Variants in LRCH3 observed in about 807,000 individuals in gnomAD.
LRCH3 encodes the protein leucine rich repeats and calponin homology domain containing 3, also known as DISP complex protein LRCH3.
In LRCH3, 68 loss-of-function variants were observed where a neutral mutation model predicts 104.5. That is an observed-to-expected ratio of 0.65 (90% confidence interval 0.54 to 0.80). The LOEUF is 0.80. Among genes scored for constraint, LRCH3 ranks in the 30% least tolerant of loss-of-function variants. LRCH3 has a pLI of 0.00. For synonymous variants in LRCH3, 344 were observed against 361.3 expected (o/e 0.95, Z 0.54); for missense variants, 951 against 953.9 (o/e 1.00, Z 0.04).
intron 4 of LRCH3, among the ~76,000 whole-genome samples, chr3:197,824,984 G>A (rs1352059893): frequency 2.0e-5 from 3 of 152,220 alleles, no homozygotes; most frequent in Non-Finnish European, 4.4e-5. Context: ...CCAAGAACAC[G>A]TCATGGGAGA....
At chr3:197,834,983 A>C (rs1736526930) in intron 8 of LRCH3, among the ~76,000 whole-genome samples, 2 of 152,004 alleles carry the variant, frequency 1.3e-5, no homozygotes, top group Non-Finnish European at 2.9e-5. Flanking sequence ...GTCTCTACTA[A>C]AAATACAAAA....
At chr3:197,880,484 T>C (rs1442045933) in intron 20 of LRCH3, 9 of 1,512,386 alleles carry the variant, frequency 6.0e-6, no homozygotes, top group Non-Finnish European at 8.0e-6. Context: ...GTTTTTCTGT[T>C]TTCCTTTCCT....
At position 197,854,382 on chromosome 3, in the gene LRCH3, A is replaced by G. The variant is rs1157233458; in HGVS notation, c.1591-10A>G. ...TTCTGACATGGCTTCATTTTTCTCC[A>G]TCTCTCCAGTGCCCCTTCCCATCCA... On this transcript the variant is annotated splice_polypyrimidine_tract_variant and intron_variant, in intron 13 of 20. Transcript: ENST00000425562. The surrounding 1 kb of genome is among the most constrained non-coding windows in gnomAD (Gnocchi z 4.5). The G allele has an allele frequency of 4.3e-6, 7 of 1,613,600 alleles. No individual in the cohort carries two copies. The highest frequency in any genetic ancestry group is 4.5e-5 in the East Asian group (2 of 44,892).
intron 17 of LRCH3, among the ~76,000 whole-genome samples, chr3:197,869,176 C>T (rs1382572857): frequency 1.3e-5 from 2 of 151,394 alleles, no homozygotes; most frequent in African/African-American, 2.5e-5. Context: ...ACTGTACTTG[C>T]AGGAAGTAGA....
At position 197,883,553 on chromosome 3, in the gene LRCH3, T is replaced by C. The variant is rs1713967480; in HGVS notation, c.2221T>C (p.Leu741=). 1 of 1,535,956 alleles carries C rather than the reference T, an allele frequency of 6.5e-7. No homozygotes were observed. The highest frequency in any genetic ancestry group is 8.7e-7 in the Non-Finnish European group (1 of 1,146,864). The part of the protein sequence containing the change: ...KIGVPQEQLC[L]PLHILEEKGL... ...TTGTCCCTTTCAGGAGCAATTATGT[T>C]TGCCTCTCCACATTTTAGAAGAGAA... Residue 741 remains leucine, a synonymous_variant, in exon 21 of 21, where the codon TTG becomes CTG. Transcript: ENST00000425562. The surrounding 1 kb of genome is among the most constrained non-coding windows in gnomAD (Gnocchi z 4.2).
chr3:197,871,394 C>A lies in LRCH3; in HGVS notation c.2062C>A (p.Leu688Ile), dbSNP rs770639054. The A allele has an allele frequency of 1.9e-6, 3 of 1,614,120 alleles. No homozygotes were observed. Among genetic ancestry groups the A allele is most frequent in the Non-Finnish European group, 2.5e-6 (3 of 1,180,006 alleles). ...LGAALTDGVV[L>I]CHLANHVRPR... The stretch of plus-strand genomic sequence containing the variant: ...AGCAGCTCTAACTGACGGTGTTGTT[C>A]TTTGCCATTTGGCCAATCATGTGCG... The change falls in exon 19 of 21, where the codon CTT becomes ATT. Residue 688 changes from leucine to isoleucine, a missense_variant. Coordinates refer to ENST00000425562, the MANE Select transcript of LRCH3 (RefSeq NM_001365715.1).
chr3:197,850,736 G>C, intron 12 of LRCH3: 5 of 1,353,370 alleles, frequency 3.7e-6, no homozygotes, highest in Non-Finnish European at 4.2e-6. Flanking sequence ...CCCACTGCTT[G>C]GCCTGCGCAC....
At chr3:197,838,639 T>C (rs1737291234) in intron 9 of LRCH3, among the ~76,000 whole-genome samples, 1 of 152,228 alleles carries the variant, frequency 6.6e-6, no homozygotes, top group Admixed American at 6.5e-5. Context: ...GATTTATAAT[T>C]TTATTTTTCA....
Position 197,832,181 on chromosome 3 carries a change from C to G in LRCH3, c.982-16C>G, listed in dbSNP as rs772398694. 4.4e-6 allele frequency: 7 copies of G among 1,607,440 alleles called. No homozygotes were observed. The East Asian group carries it at 1.6e-4, about 36-fold the overall frequency. On this transcript the variant is annotated splice_polypyrimidine_tract_variant and intron_variant, in intron 7 of 20. Transcript: ENST00000425562. Reference sequence around the variant, plus strand: ...TCTAAAATGATTGTTTTTAATGTTTCTGCTTCTTTTTTAAGCCTACAGATG... The same window carrying G: ...TCTAAAATGATTGTTTTTAATGTTTGTGCTTCTTTTTTAAGCCTACAGATG...
rs1384416065 is a variant in LRCH3 at position 197,791,265 on chromosome 3, T to G, written c.-14T>G. The stretch of plus-strand genomic sequence containing the variant: ...TGCGCTGAGCTGGCGGGCCCGAGTG[T>G]TGTCGGCTGGGAAATGGCGGCCGCG... On this transcript the variant is annotated 5_prime_UTR_variant, in exon 1 of 21. Transcript: ENST00000425562. The G allele has an allele frequency of 5.0e-6, 8 of 1,608,174 alleles. No homozygotes were observed. The highest frequency in any genetic ancestry group is 6.8e-6 in the Non-Finnish European group (8 of 1,178,468).
chr3:197,797,706 CA>C (rs1047816241), intron 1 of LRCH3, among the ~76,000 whole-genome samples: 10 of 151,692 alleles, frequency 6.6e-5, no homozygotes, highest in Non-Finnish European at 1.3e-4. Flanking sequence ...ACTAAAAATA[CA>C]AAAAATAGCT....
chr3:197,812,089 A>G (rs1733191739), intron 1 of LRCH3, among the ~76,000 whole-genome samples: 1 of 152,150 alleles, frequency 6.6e-6, no homozygotes, highest in South Asian at 2.1e-4. Flanking sequence ...GTACCTTCAT[A>G]CTGTTGTGCA....
At chr3:197,870,030 C>T (rs932272812) in intron 17 of LRCH3, 130 bp from the exon 18 acceptor site, 59 of 864,488 alleles carry the variant, frequency 6.8e-5, no homozygotes, top group Non-Finnish European at 9.4e-5. Context: ...AGGTAGAAAG[C>T]GATGCACTGT....
At chr3:197,809,002 AT>A (rs918294243) in intron 1 of LRCH3, among the ~76,000 whole-genome samples, 6 of 147,952 alleles carry the variant, frequency 4.1e-5, no homozygotes, top group South Asian at 4.3e-4. Context: ...TGCTTTCAAT[AT>A]TTTTTTTTTC....
chr3:197,841,191 G>A (rs1737752030), intron 10 of LRCH3, among the ~76,000 whole-genome samples: 1 of 152,250 alleles, frequency 6.6e-6, no homozygotes, highest in South Asian at 2.1e-4. Context: ...GGATTCTCAT[G>A]TGGAGACTGT....
rs1385708563 is a variant in LRCH3, at chr3:197,864,624, CAAAAAACA to C, written c.1717-786_1717-779del. 1.9e-3 allele frequency among the ~76,000 whole-genome samples: 255 copies of C among 133,420 alleles called. 5 individuals carry two copies. The highest frequency in any genetic ancestry group is 6.4e-3 in the South Asian group (29 of 4,524). The allele number at this position is 133,420 out of a possible 152,430, so 87.5% of individuals were successfully genotyped here. ...AAACTCCATCTCAAAAAAAAAAAAACAAAAAACAAAAAAACAAAAACTTGGCTTTTAAA... is the reference window on the plus strand; with the variant it reads ...AAACTCCATCTCAAAAAAAAAAAAACAAAAAACAAAAACTTGGCTTTTAAA... On this transcript the variant is annotated intron_variant, in intron 15 of 20. Coordinates refer to ENST00000425562, the MANE Select transcript of LRCH3 (RefSeq NM_001365715.1).
At position 197,835,791 on chromosome 3, in the gene LRCH3, C is replaced by G; in HGVS notation, c.1220C>G (p.Ala407Gly). 1 of 1,613,934 alleles carries G rather than the reference C, an allele frequency of 6.2e-7. No homozygotes were observed. ...DPDSLSSQFM[A>G]YIEQRRISHE... ...GACAGCCTTAGTTCACAGTTTATGG[C>G]GTATATTGAACAGCGGCGAATCTCT... The change falls in exon 9 of 21, where the codon GCG becomes GGG. Residue 407 changes from alanine to glycine, a missense_variant. By Grantham distance (60) the Ala-to-Gly change is moderately conservative (BLOSUM62 0). Coordinates refer to ENST00000425562, the MANE Select transcript of LRCH3 (RefSeq NM_001365715.1).
chr3:197,844,407 G>GT (rs1349853399), intron 10 of LRCH3, among the ~76,000 whole-genome samples: 3 of 152,000 alleles, frequency 2.0e-5, no homozygotes, highest in East Asian at 3.9e-4. Context: ...TGTTGTTTTT[G>GT]TTTTTTTGAG....
chr3:197,825,455 T>G (rs768568323), intron 4 of LRCH3, among the ~76,000 whole-genome samples: 9 of 144,406 alleles, frequency 6.2e-5, no homozygotes, highest in Non-Finnish European at 1.4e-4. Flanking sequence ...TCTTTGTTGA[T>G]CCTCTTTGAT....
Sources: gnomAD v4.1 joint callset for allele counts (sites outside exome capture counted in the v4.1 genomes callset) on GRCh38, gnomAD v4.1.1 for gene constraint, Gnocchi (gnomAD v3.1) non-coding constraint, MANE v1.5 for transcripts, NCBI Gene and HGNC (gene_info 2026-07-23, HGNC 2026-07-21) for gene names.